EIF3L: variants seen among roughly 807,000 people sequenced by gnomAD.
The protein encoded by EIF3L is eIEF associated protein HSPC021.
EIF3L carries 32 observed loss-of-function variants against 74.6 expected under a neutral mutation model. The observed-to-expected ratio is 0.43, with a 90% CI of 0.32 to 0.58. EIF3L has a LOEUF of 0.58. Ranked by LOEUF, EIF3L falls within the 20% of genes least tolerant of loss-of-function variation. The probability of loss-of-function intolerance (pLI) is 0.06; values close to 1 mark genes in which losing one functional copy is unlikely to be tolerated. For missense variants in EIF3L, 474 were observed against 707.8 expected, an observed-to-expected ratio of 0.67 and a Z score of 3.75; for synonymous variants, 256 against 254.4, an observed-to-expected ratio of 1.01 and a Z score of -0.06.
intron 11 of EIF3L, chr22:37,880,109 T>TTTTTA (rs961642873): frequency 6.7e-5 from 10 of 150,148 alleles, no homozygotes; most frequent in South Asian, 6.3e-4. Context: ...TATTATTTTA[T>TTTTTA]TTTTATTTTA....
intron 7 of EIF3L, among the ~76,000 whole-genome samples, chr22:37,865,018 A>G (rs867188485): frequency 2.0e-4 from 31 of 152,324 alleles, no homozygotes; most frequent in Middle Eastern, 6.8e-3. Flanking sequence ...GTTGATTGTG[A>G]TGATGTTCAA....
intron 5 of EIF3L, among the ~76,000 whole-genome samples, chr22:37,861,075 G>A (rs969332471): frequency 2.6e-5 from 4 of 152,172 alleles, no homozygotes; most frequent in Admixed American, 2.6e-4. Context: ...CGGGGTATGT[G>A]CTTGTCTTGT....
chr22:37,875,699 G>A (rs1926708593), intron 9 of EIF3L, 142 bp from the exon 10 acceptor site: 1 of 676,958 alleles, frequency 1.5e-6, no homozygotes, highest in South Asian at 2.5e-5. Flanking sequence ...TGAATAGGAA[G>A]ATCCGCTCTC....
At chr22:37,851,559 G>A (rs1336688581) in intron 3 of EIF3L, 69 bp downstream of exon 3, 1 of 881,686 alleles carries the variant, frequency 1.1e-6, no homozygotes, top group Non-Finnish European at 1.7e-6. Flanking sequence ...TCCTACAAAT[G>A]AGGTGAGCAC....
intron 11 of EIF3L, chr22:37,879,041 T>G (rs1277138807): frequency 6.6e-6 from 1 of 151,308 alleles, no homozygotes. Context: ...CCTCCCAGGT[T>G]CAAGCAATTC....
intron 4 of EIF3L, chr22:37,858,420 A>C (rs1317303621): frequency 9.1e-6 from 4 of 439,700 alleles, no homozygotes; most frequent in Non-Finnish European, 1.6e-5. Flanking sequence ...TTTTTTATGC[A>C]CTTGGATGGC....
intron 5 of EIF3L, among the ~76,000 whole-genome samples, chr22:37,861,808 C>T (rs1287152623): frequency 6.6e-6 from 1 of 152,104 alleles, no homozygotes; most frequent in Non-Finnish European, 1.5e-5. Context: ...GACACCATAG[C>T]CCATAGTATA....
intron 7 of EIF3L, among the ~76,000 whole-genome samples, chr22:37,865,633 G>C (rs895455118): frequency 1.3e-5 from 2 of 152,146 alleles, no homozygotes; most frequent in African/African-American, 4.8e-5. Context: ...GTGCTGAACC[G>C]TTACGAGTGG....
chr22:37,878,190 CTTGG>C lies in EIF3L; in HGVS notation c.1575+20_1575+23del. 1.3e-6 allele frequency: 2 copies of C among 1,574,708 alleles called. No individual in the cohort carries two copies. Among genetic ancestry groups the C allele is most frequent in the Non-Finnish European group, 1.7e-6 (2 of 1,160,046 alleles). ...TGATAAGGTATGCCTGTCCCCTGGG[CTTGG>C]GGTCTTGTATTAAGTGTTCAGTATC... On this transcript the variant is annotated intron_variant, in intron 11 of 12. Coordinates refer to ENST00000652021, the MANE Select transcript of EIF3L (RefSeq NM_016091.4).
intron 7 of EIF3L, among the ~76,000 whole-genome samples, chr22:37,866,906 C>T (rs1390413666): frequency 6.6e-6 from 1 of 152,124 alleles, no homozygotes; most frequent in African/African-American, 2.4e-5. Context: ...CAAATGTGTA[C>T]AGTGCCACAA....
At chr22:37,869,858 T>C (rs1296944063) in intron 7 of EIF3L, among the ~76,000 whole-genome samples, 1 of 152,110 alleles carries the variant, frequency 6.6e-6, no homozygotes, top group African/African-American at 2.4e-5. Context: ...GTCAACTGCA[T>C]TGTGAGGCCC....
intron 4 of EIF3L, among the ~76,000 whole-genome samples, chr22:37,857,778 C>G (rs142315276): frequency 0.01 from 1,522 of 152,196 alleles, 25 homozygotes; most frequent in African/African-American, 0.035. Flanking sequence ...AAATGATCCA[C>G]CCGCCTCAGC....
chr22:37,859,291 A>G (rs1170519132), intron 5 of EIF3L, among the ~76,000 whole-genome samples: 11 of 151,036 alleles, frequency 7.3e-5, no homozygotes, highest in Admixed American at 6.0e-4. Flanking sequence ...TTATAACACC[A>G]GTATTCTACA....
Position 37,863,045 on chromosome 22 carries a change from CTG to C in EIF3L, c.505+8_505+9del. 6.2e-7 allele frequency: 1 copy of C among 1,611,238 alleles called. No homozygotes were observed. The highest frequency in any genetic ancestry group is 8.5e-7 in the Non-Finnish European group (1 of 1,178,894). On this transcript the variant is annotated splice_region_variant and intron_variant, in intron 6 of 12. Transcript: ENST00000652021. ...CTCTTCAACTACATTCTTAGTGAGT[CTG>C]AGATTTGGCCAAGAGGGTGTGTGTG... is the stretch of plus-strand genomic sequence containing the variant.
At chr22:37,868,311 G>A (rs1457450532) in intron 7 of EIF3L, among the ~76,000 whole-genome samples, 1 of 148,664 alleles carries the variant, frequency 6.7e-6, no homozygotes, top group Non-Finnish European at 1.5e-5. Context: ...TTTTAGTAGA[G>A]ACGGGGTTTC....
chr22:37,878,278 TGTG>T (rs1926859616), intron 11 of EIF3L, 107 bp downstream of exon 11: 3 of 1,411,536 alleles, frequency 2.1e-6, no homozygotes, highest in South Asian at 2.9e-5. Context: ...TTCCTGGCCT[TGTG>T]GTGCTGCCAC....
intron 12 of EIF3L, 124 bp downstream of exon 12, chr22:37,886,969 C>T (rs1398059724): frequency 1.4e-5 from 10 of 730,588 alleles, no homozygotes; most frequent in Non-Finnish European, 2.2e-5. Context: ...TGTGCTGTCA[C>T]CCATGCTGGA....
intron 3 of EIF3L, 118 bp from the exon 4 acceptor site, chr22:37,855,447 T>C (rs1925448998): frequency 2.4e-6 from 2 of 844,312 alleles, no homozygotes; most frequent in Admixed American, 4.6e-5. Context: ...GGCTTTGGCC[T>C]CAGCTCTGTT....
Position 37,856,467 on chromosome 22 carries a change from C to T in EIF3L, c.373+823C>T, listed in dbSNP as rs536304466. Among the ~76,000 whole-genome samples, 4 of 152,324 alleles carry T rather than the reference C, an allele frequency of 2.6e-5. No homozygotes were observed. The South Asian group carries it at 8.3e-4, about 32-fold the overall frequency. The stretch of plus-strand genomic sequence containing the variant: ...TGAACTCCTGACCTCAAGTGATCTT[C>T]CCAGAGTGCTGAGATTACAGGCATG... On this transcript the variant is annotated intron_variant, in intron 4 of 12. Transcript: ENST00000652021.
Sources: gnomAD v4.1 joint callset for allele counts (sites outside exome capture counted in the v4.1 genomes callset) on GRCh38, gnomAD v4.1.1 for gene constraint, MANE v1.5 for transcripts, NCBI Gene and HGNC (gene_info 2026-07-23, HGNC 2026-07-21) for gene names.